Variants in DEPTOR observed in about 807,000 individuals in gnomAD.
DEPTOR encodes DEP domain-containing mTOR-interacting protein.
DEPTOR carries 41 observed loss-of-function variants against 41.6 expected under a neutral mutation model. The ratio of observed to expected loss-of-function variants is 0.98; its 90% CI spans 0.77 to 1.28. The LOEUF (loss-of-function observed/expected upper bound fraction) is 1.28, where lower values mean the gene tolerates loss of function less well. Among genes scored for constraint, DEPTOR ranks in the 50% most tolerant of loss-of-function variants. The probability of loss-of-function intolerance (pLI) is 0.00; values close to 1 mark genes in which losing one functional copy is unlikely to be tolerated. For synonymous variants in DEPTOR, 195 were observed against 192.3 expected (o/e 1.01, Z -0.12); for missense variants, 514 against 527.9 (o/e 0.97, Z 0.26).
intron 4 of DEPTOR, among the ~76,000 whole-genome samples, chr8:119,981,176 C>T (rs970714348): frequency 3.9e-5 from 6 of 152,142 alleles, no homozygotes; most frequent in Non-Finnish European, 1.5e-5. Flanking sequence ...AACAGGTTCT[C>T]CTAAAGAATC....
chr8:119,886,287 C>A (rs1209765930), intron 1 of DEPTOR, among the ~76,000 whole-genome samples: 2 of 152,142 alleles, frequency 1.3e-5, no homozygotes, highest in African/African-American at 4.8e-5. Flanking sequence ...CTTGTAATAA[C>A]ATCTGGGAGA....
chr8:119,992,132 A>G (rs564882311), intron 4 of DEPTOR, among the ~76,000 whole-genome samples: 22 of 152,368 alleles, frequency 1.4e-4, no homozygotes, highest in Non-Finnish European at 2.9e-4. Context: ...GGGCTAGTCT[A>G]TCAGAGATCA....
chr8:119,989,472 G>A (rs1029265088), intron 4 of DEPTOR, among the ~76,000 whole-genome samples: 4 of 152,166 alleles, frequency 2.6e-5, no homozygotes, highest in Non-Finnish European at 5.9e-5. Flanking sequence ...TGGAGGTTCA[G>A]GGGTGAGACC....
chr8:119,969,360 GTT>G (rs987720059), intron 4 of DEPTOR, among the ~76,000 whole-genome samples: 1 of 141,436 alleles, frequency 7.1e-6, no homozygotes. Context: ...GTTTTTTTTT[GTT>G]TTTTTTTTTG....
At chr8:119,889,888 T>A (rs1448286812) in intron 1 of DEPTOR, among the ~76,000 whole-genome samples, 1 of 152,018 alleles carries the variant, frequency 6.6e-6, no homozygotes, top group Non-Finnish European at 1.5e-5. Flanking sequence ...TTAGATGAAT[T>A]TGGGACAAAA....
At chr8:119,952,518 T>C (rs929010857) in intron 3 of DEPTOR, among the ~76,000 whole-genome samples, 5 of 152,154 alleles carry the variant, frequency 3.3e-5, no homozygotes, top group African/African-American at 9.7e-5. Flanking sequence ...GTTACATAGG[T>C]AATAGTGTGC....
At chr8:119,911,405 G>A (rs571591749) in intron 1 of DEPTOR, among the ~76,000 whole-genome samples, 23 of 142,664 alleles carry the variant, frequency 1.6e-4, no homozygotes, top group East Asian at 1.2e-3. Flanking sequence ...CACAACCTCC[G>A]TCTCCCGGGT....
Position 120,006,841 on chromosome 8 carries a change from C to T in DEPTOR, c.962C>T (p.Thr321Ile). The T allele has an allele frequency of 6.2e-7, 1 of 1,614,160 alleles. No homozygotes were observed. ...KRPVTSEELL[T>I]PGAPYARKTF... is the part of the protein sequence containing the mutation. ...CCTGTCACCTCTGAGGAACTCCTTA[C>T]TCCCGGGGCTCCGTATGCAAGGAAG... is the stretch of plus-strand genomic sequence containing the variant. Residue 321 changes from threonine to isoleucine, a missense_variant, in exon 7 of 9, where the codon ACT becomes ATT. Thr to Ile is a moderately conservative substitution (Grantham distance 89). Coordinates refer to ENST00000286234, the MANE Select transcript of DEPTOR (RefSeq NM_022783.4).
At chr8:120,029,387 TTTTATTTA>T (rs549676893) in intron 8 of DEPTOR, among the ~76,000 whole-genome samples, 31 of 152,020 alleles carry the variant, frequency 2.0e-4, no homozygotes, top group Non-Finnish European at 4.3e-4. Flanking sequence ...TTGAGTTTTA[TTTTATTTA>T]TTTATTTATT....
intron 3 of DEPTOR, among the ~76,000 whole-genome samples, chr8:119,930,994 T>C (rs749304389): frequency 1.8e-4 from 28 of 151,984 alleles, no homozygotes; most frequent in Non-Finnish European, 3.4e-4. Flanking sequence ...GGTGGATCAC[T>C]TGAGGTCAGG....
At chr8:119,900,775 A>G (rs544440730) in intron 1 of DEPTOR, among the ~76,000 whole-genome samples, 7 of 152,248 alleles carry the variant, frequency 4.6e-5, no homozygotes, top group Non-Finnish European at 8.8e-5. Context: ...AGCAAAGGCT[A>G]ATTCTGCTTG....
rs923760342 is a variant in DEPTOR, at chr8:120,049,793, A to G, written c.*89A>G. On this transcript the variant is annotated 3_prime_UTR_variant, in exon 9 of 9. Transcript: ENST00000286234. ...ATGCAAAGACAAGATTGCCATGCAA[A>G]TGGATGGTTTTGGACATACGAGTCT... The G allele has an allele frequency of 1.0e-5, 16 of 1,554,288 alleles. No individual in the cohort carries two copies. The highest frequency in any genetic ancestry group is 6.8e-5 in the African/African-American group (5 of 73,838).
intron 4 of DEPTOR, among the ~76,000 whole-genome samples, chr8:119,983,055 T>C (rs1229842808): frequency 6.6e-6 from 1 of 152,202 alleles, no homozygotes; most frequent in Non-Finnish European, 1.5e-5. Context: ...AAACATACGC[T>C]TTTAAGGAAC....
intron 3 of DEPTOR, among the ~76,000 whole-genome samples, chr8:119,941,373 CA>C (rs749120675): frequency 0.075 from 2,994 of 39,908 alleles, 10 homozygotes; most frequent in East Asian, 0.16. Context: ...ATCTCCATCT[CA>C]AAAAAAAAAA....
At chr8:119,916,403 G>A (rs142440000) in intron 1 of DEPTOR, among the ~76,000 whole-genome samples, 7 of 151,228 alleles carry the variant, frequency 4.6e-5, no homozygotes, top group African/African-American at 1.7e-4. Context: ...TTACAGGCAC[G>A]AGCCACGGTG....
At chr8:119,992,456 A>C (rs1252961262) in intron 4 of DEPTOR, among the ~76,000 whole-genome samples, 4 of 152,080 alleles carry the variant, frequency 2.6e-5, no homozygotes. Flanking sequence ...TAAGTCCAAG[A>C]CCACCTTTTA....
chr8:119,965,749 C>T (rs994492755), intron 4 of DEPTOR, among the ~76,000 whole-genome samples: 2 of 152,148 alleles, frequency 1.3e-5, no homozygotes, highest in African/African-American at 4.8e-5. Flanking sequence ...CTGGCTAAAG[C>T]AAGTCATGAA....
chr8:120,035,024 T>G (rs1586668166), intron 8 of DEPTOR, among the ~76,000 whole-genome samples: 1 of 49,524 alleles, frequency 2.0e-5, no homozygotes, highest in South Asian at 1.0e-3. Context: ...GTGTTAAGAC[T>G]CTGTGTCTCT....
chr8:119,910,368 C>G (rs990205923), intron 1 of DEPTOR, among the ~76,000 whole-genome samples: 5 of 152,128 alleles, frequency 3.3e-5, no homozygotes, highest in African/African-American at 1.2e-4. Context: ...TATTACGCAG[C>G]CCTGGGAAAC....
Sources: allele counts gnomAD v4.1 joint callset (sites outside exome capture counted in the v4.1 genomes callset), GRCh38; gene constraint gnomAD v4.1.1; transcripts MANE v1.5; gene names NCBI Gene and HGNC (gene_info 2026-07-23, HGNC 2026-07-21).